The following BLTP1 variants were observed in gnomAD, a reference collection of about 807,000 sequenced individuals.
BLTP1 encodes bridge-like lipid transfer protein family member 1.
the BLTP1 span, chr4:122,224,664 T>G: frequency 1.9e-6 from 3 of 1,614,050 alleles, no homozygotes; most frequent in Non-Finnish European, 2.5e-6. Context: ...ACAGCTAAGG[T>G]CACAGCACCA....
At chr4:122,185,191 A>G in the BLTP1 span, 1 of 982,940 alleles carries the variant, frequency 1.0e-6, no homozygotes, top group Non-Finnish European at 1.2e-6. Context: ...CAACCAAGTG[A>G]TGATAAAATC....
At chr4:122,273,724 T>C in the BLTP1 span, among the ~76,000 whole-genome samples, 1 of 151,956 alleles carries the variant, frequency 6.6e-6, no homozygotes, top group African/African-American at 2.4e-5. Flanking sequence ...ATGATCAGAA[T>C]TGTGTGAAAA....
At chr4:122,313,647 C>A in the BLTP1 span, 4 of 1,587,728 alleles carry the variant, frequency 2.5e-6, no homozygotes, top group Non-Finnish European at 2.6e-6. Context: ...CAGATGGCAC[C>A]TATGAAGTAT....
chr4:122,288,938 C>T, the BLTP1 span: 2 of 948,154 alleles, frequency 2.1e-6, no homozygotes, highest in Non-Finnish European at 3.0e-6. Context: ...ATTAGGAACG[C>T]TGAATATTTT....
chr4:122,328,690 G>T, the BLTP1 span: 1 of 982,598 alleles, frequency 1.0e-6, no homozygotes, highest in Non-Finnish European at 1.2e-6. Flanking sequence ...ACAGATTGCA[G>T]CAAGGAGATA....
the BLTP1 span, chr4:122,209,322 A>G: frequency 2.5e-6 from 4 of 1,612,320 alleles, no homozygotes; most frequent in South Asian, 2.2e-5. Flanking sequence ...AAATGGCGCA[A>G]CGTTACTCAG....
the BLTP1 span, chr4:122,341,825 C>T: frequency 1.0e-6 from 1 of 985,126 alleles, no homozygotes; most frequent in Non-Finnish European, 1.2e-6. Context: ...AAGTAATAGC[C>T]CAGCAAACAA....
At chr4:122,166,414 T>C in the BLTP1 span, among the ~76,000 whole-genome samples, 1 of 152,196 alleles carries the variant, frequency 6.6e-6, no homozygotes, top group Non-Finnish European at 1.5e-5. Flanking sequence ...GAGGGCTCTG[T>C]TCCGTTCCAT....
the BLTP1 span, among the ~76,000 whole-genome samples, chr4:122,304,300 C>T: frequency 6.6e-6 from 1 of 152,164 alleles, no homozygotes; most frequent in Non-Finnish European, 1.5e-5. Context: ...CAACCTCCGA[C>T]TCCCTGGTTC....
At chr4:122,323,440 C>CTT in the BLTP1 span, among the ~76,000 whole-genome samples, 4 of 140,396 alleles carry the variant, frequency 2.8e-5, no homozygotes. Context: ...AGAGAACCCT[C>CTT]TTTTTTTTTT....
chr4:122,153,689 A>G, the BLTP1 span, among the ~76,000 whole-genome samples: 1 of 152,098 alleles, frequency 6.6e-6, no homozygotes, highest in Admixed American at 6.5e-5. Flanking sequence ...GCCGGCAAGG[A>G]CCCAACAGTT....
At chr4:122,226,428 G>C in the BLTP1 span, 16 of 1,183,670 alleles carry the variant, frequency 1.4e-5, no homozygotes, top group Non-Finnish European at 1.7e-5. Flanking sequence ...TGAATAAAAG[G>C]ATTTGCGTTA....
the BLTP1 span, chr4:122,266,946 A>C: frequency 6.4e-7 from 1 of 1,571,536 alleles, no homozygotes; most frequent in South Asian, 1.2e-5. Flanking sequence ...AGAAAAGGCA[A>C]AAGAGCAAGA....
At chr4:122,343,957 T>G in the BLTP1 span, 2 of 916,078 alleles carry the variant, frequency 2.2e-6, no homozygotes, top group Non-Finnish European at 2.6e-6. Flanking sequence ...AATTTTAAAG[T>G]GCATGGGTCA....
chr4:122,256,047 A>G, the BLTP1 span: 1 of 982,676 alleles, frequency 1.0e-6, no homozygotes, highest in Non-Finnish European at 1.2e-6. Flanking sequence ...AATACAATCC[A>G]TCTCTGCCTC....
chr4:122,282,318 GCCTAAGAATTGGCACA>G, the BLTP1 span, among the ~76,000 whole-genome samples: 1 of 152,026 alleles, frequency 6.6e-6, no homozygotes, highest in South Asian at 2.1e-4. Context: ...CCACAATATA[GCCTAAGAATTGGCACA>G]TTACCAATAC....
At chr4:122,243,231 A>G in the BLTP1 span, among the ~76,000 whole-genome samples, 2 of 152,246 alleles carry the variant, frequency 1.3e-5, no homozygotes, top group African/African-American at 2.4e-5. Context: ...GGCTACATTT[A>G]TAAGTAGTCA....
chr4:122,216,113 A>G, the BLTP1 span, among the ~76,000 whole-genome samples: 4 of 151,084 alleles, frequency 2.6e-5, no homozygotes, highest in South Asian at 2.1e-4. Context: ...CTATCTATCT[A>G]TCTATCTATC....
the BLTP1 span, among the ~76,000 whole-genome samples, chr4:122,213,864 C>G: frequency 6.6e-6 from 1 of 152,126 alleles, no homozygotes; most frequent in Non-Finnish European, 1.5e-5. Context: ...GGTTGGATAA[C>G]AATGCTACTT....
Sources: allele counts gnomAD v4.1 joint callset (sites outside exome capture counted in the v4.1 genomes callset), GRCh38; gene constraint gnomAD v4.1.1; transcripts MANE v1.5; gene names NCBI Gene and HGNC (gene_info 2026-07-23, HGNC 2026-07-21).